Variants in PTPRH observed in about 807,000 individuals in gnomAD.
The protein encoded by PTPRH is protein tyrosine phosphatase receptor type H.
Under a neutral mutation model 130.2 loss-of-function variants are expected in PTPRH, and 113 were observed. The ratio of observed to expected loss-of-function variants is 0.87; its 90% CI spans 0.75 to 1.01. The LOEUF (loss-of-function observed/expected upper bound fraction) is 1.01, where lower values mean the gene tolerates loss of function less well. Among genes scored for constraint, PTPRH ranks in the 50% least tolerant of loss-of-function variants. The probability of loss-of-function intolerance (pLI) is 0.00; values close to 1 mark genes in which losing one functional copy is unlikely to be tolerated. For missense variants in PTPRH, 1,430 were observed against 1,425.0 expected (o/e 1.00, Z -0.06); for synonymous variants, 556 against 577.9 (o/e 0.96, Z 0.54).
Position 55,191,698 on chromosome 19 carries a change from G to A in PTPRH, c.2301C>T (p.Ile767=). ...GAFVGILLFL[I]LVGLLIFFLK... The stretch of plus-strand genomic sequence containing the variant: ...GGAAGAAAATCAGCAGGCCCACGAG[G>A]ATGAGAAACAGGAGGATGCCCACAA... Residue 767 remains isoleucine (I), a synonymous_variant, in exon 11 of 20, where the codon ATC becomes ATT. Transcript: ENST00000376350. 1 of 1,614,144 alleles carries A rather than the reference G, an allele frequency of 6.2e-7. No individual in the cohort carries two copies. Among genetic ancestry groups the A allele is most frequent in the South Asian group, 1.1e-5 (1 of 91,076 alleles).
intron 5 of PTPRH, among the ~76,000 whole-genome samples, chr19:55,202,856 T>C (rs911533580): frequency 2.0e-5 from 3 of 150,972 alleles, no homozygotes; most frequent in African/African-American, 7.3e-5. Flanking sequence ...CTGGCCAACA[T>C]GGCGAAACCC....
chr19:55,187,498 G>C lies in PTPRH; in HGVS notation c.2566+15C>G, dbSNP rs758299501. 6.2e-7 allele frequency: 1 copy of C among 1,603,364 alleles called. No individual in the cohort carries two copies. On this transcript the variant is annotated intron_variant, in intron 14 of 19. Transcript: ENST00000376350. ...ATCAGGGCTGGGACAAAAGCAGCAG[G>C]AACCCGAGACTCACAGGGCAGCACA...
At chr19:55,181,934 C>A (rs375899747) in intron 19 of PTPRH, 31 bp from the exon 20 acceptor site, 61 of 1,613,850 alleles carry the variant, frequency 3.8e-5, no homozygotes, top group Non-Finnish European at 5.1e-5. Flanking sequence ...TGAGAGGCGT[C>A]CCCCCAGGTC....
chr19:55,194,173 T>C, intron 10 of PTPRH: 1 of 1,289,046 alleles, frequency 7.8e-7, no homozygotes, highest in Non-Finnish European at 1.0e-6. Flanking sequence ...CTATGGGTGC[T>C]CTCAGGCTCT....
In PTPRH at chr19:55,186,118, G is replaced by A. The variant is rs1431603419; in HGVS notation, c.2778+107C>T. ...AACAGGTCTACACTGAAGACGCCTG[G>A]GGTTACCCTGGAGGAATCCGTAAGG... On this transcript the variant is annotated intron_variant, in intron 16 of 19. Transcript: ENST00000376350. 1.9e-6 allele frequency: 3 copies of A among 1,571,924 alleles called. No homozygotes were observed. The East Asian group carries it at 6.7e-5, about 35-fold the overall frequency.
Position 55,190,834 on chromosome 19 carries a change from T to A in PTPRH, c.2384+667A>T, listed in dbSNP as rs142352535. ...ATATCATATTTTTTATGATCTTTTTTAATTTTTTATTACTATTATTTTTTT... is the reference window on the plus strand; with the variant it reads ...ATATCATATTTTTTATGATCTTTTTAAATTTTTTATTACTATTATTTTTTT... On this transcript the variant is annotated intron_variant, in intron 12 of 19. Coordinates refer to ENST00000376350, the MANE Select transcript of PTPRH (RefSeq NM_002842.5). Among the ~76,000 whole-genome samples the A allele has an allele frequency of 1.1e-3, 167 of 151,454 alleles. 1 individual carries two copies. Among genetic ancestry groups the A allele is most frequent in the South Asian group, 6.0e-3 (29 of 4,812 alleles).
At position 55,182,060 on chromosome 19, in the gene PTPRH, C is replaced by T. The variant is rs766621439; in HGVS notation, c.3154G>A (p.Val1052Ile). Residue 1052 changes from valine (V) to isoleucine (I), a missense_variant, in exon 19 of 20, where the codon GTA (valine) becomes ATA (isoleucine). By Grantham distance (29) the Val-to-Ile change is conservative. Coordinates refer to ENST00000376350, the MANE Select transcript of PTPRH (RefSeq NM_002842.5). Reference protein sequence around the residue: ...SEGLLGPFSFVRKMRESRPLM... With the variant: ...SEGLLGPFSFIRKMRESRPLM... Reference sequence around the variant, plus strand: ...GGCCGACTCTCTCTCATCTTCCTTACAAAGCTGAAGGGCCCAAGGAGACCC... The same window carrying T: ...GGCCGACTCTCTCTCATCTTCCTTATAAAGCTGAAGGGCCCAAGGAGACCC... The T allele has an allele frequency of 6.2e-7, 1 of 1,614,140 alleles. No individual in the cohort carries two copies. The highest frequency in any genetic ancestry group is 1.1e-5 in the South Asian group (1 of 91,084).
intron 18 of PTPRH, among the ~76,000 whole-genome samples, chr19:55,183,873 C>T (rs1354614997): frequency 6.6e-6 from 1 of 152,202 alleles, no homozygotes; most frequent in Admixed American, 6.5e-5. Context: ...GCCTGTCACC[C>T]TCCAGGGCCT....
At position 55,191,708 on chromosome 19, in the gene PTPRH, A is replaced by T. The variant is rs1281030660; in HGVS notation, c.2291T>A (p.Leu764Gln). Residue 764 changes from leucine (L) to glutamine (Q), a missense_variant, in exon 11 of 20, where the codon CTG becomes CAG. Coordinates refer to ENST00000376350, the MANE Select transcript of PTPRH (RefSeq NM_002842.5). Reference protein sequence around the residue: ...VIAGAFVGILLFLILVGLLIF... With the variant: ...VIAGAFVGILQFLILVGLLIF... The stretch of plus-strand genomic sequence containing the variant: ...CAGCAGGCCCACGAGGATGAGAAAC[A>T]GGAGGATGCCCACAAAGGCTCCGGC... 6.2e-7 allele frequency: 1 copy of T among 1,614,156 alleles called. No individual in the cohort carries two copies. Among genetic ancestry groups the T allele is most frequent in the East Asian group, 2.2e-5 (1 of 44,888 alleles).
chr19:55,189,808 AC>A (rs11312786), intron 12 of PTPRH: 37,651 of 442,928 alleles, frequency 0.085, 4,087 homozygotes, highest in Admixed American at 0.33. Flanking sequence ...TGGTAAGACC[AC>A]CCCCCCGACC....
chr19:55,204,173 G>A, intron 4 of PTPRH, 125 bp from the exon 5 acceptor site: 1 of 1,087,628 alleles, frequency 9.2e-7, no homozygotes, highest in East Asian at 2.6e-5. Flanking sequence ...AGGCTGGAGT[G>A]CAGTGGCACG....
intron 18 of PTPRH, among the ~76,000 whole-genome samples, chr19:55,185,006 T>C (rs2147373031): frequency 6.6e-6 from 1 of 151,374 alleles, no homozygotes; most frequent in Admixed American, 6.6e-5. Flanking sequence ...TTTCTTTTTT[T>C]CCTTTTTTTT....
In PTPRH at chr19:55,198,632, C is replaced by T; in HGVS notation, c.1690+11G>A. 1.9e-6 allele frequency: 3 copies of T among 1,589,816 alleles called. No individual in the cohort carries two copies. The highest frequency in any genetic ancestry group is 2.6e-6 in the Non-Finnish European group (3 of 1,165,822). On this transcript the variant is annotated intron_variant, in intron 8 of 19. Transcript: ENST00000376350. ...CTAATAGGGCTGGGTTCAGAACCGA[C>T]TGTGTCTCACCAGTGGCTGCAGTGA...
chr19:55,185,486 C>G lies in PTPRH; in HGVS notation c.3062+16G>C. On this transcript the variant is annotated intron_variant, in intron 18 of 19. Coordinates refer to ENST00000376350, the MANE Select transcript of PTPRH (RefSeq NM_002842.5). ...AGCGGTTCTCTCAAGGGAGAGGGTC[C>G]TGGGCTGGTCCCCACCTGCAGTGCA... is the stretch of plus-strand genomic sequence containing the variant. The G allele has an allele frequency of 6.2e-7, 1 of 1,613,572 alleles. No homozygotes were observed. The highest frequency in any genetic ancestry group is 8.5e-7 in the Non-Finnish European group (1 of 1,179,810).
chr19:55,202,136 G>T lies in PTPRH; in HGVS notation c.1073C>A (p.Pro358His), dbSNP rs774275050. ...CACGGAAAACACATACAAACACCCG[G>T]GTTCAAGTCTATCCACGGTGATGTT... ...HTNITVDRLE[P>H]GCLYVFSVWV... Residue 358 changes from proline to histidine, a missense_variant, in exon 6 of 20, where the codon CCC (proline) becomes CAC (histidine). Transcript: ENST00000376350. The T allele has an allele frequency of 3.1e-6, 5 of 1,614,176 alleles. No homozygotes were observed. The highest frequency in any genetic ancestry group is 1.1e-5 in the South Asian group (1 of 91,084).
rs1568925351 is a variant in PTPRH, at chr19:55,204,024, C to G, written c.644G>C (p.Arg215Thr). The change falls in exon 5 of 20, where the codon AGA becomes ACA. Residue 215 changes from arginine (R) to threonine (T), a missense_variant. Arg to Thr is a moderately conservative substitution (Grantham distance 71). Transcript: ENST00000376350. ...GGAGCTGGTGGTCTGAGCCTCCACT[C>G]TCAGGTTCCTCACTGGGTTGTGAGC... ...TTAHNPVRNLRVEAQTTSSIS... is the reference protein window; with the variant it reads ...TTAHNPVRNLTVEAQTTSSIS... The G allele has an allele frequency of 6.2e-7, 1 of 1,613,886 alleles. No homozygotes were observed. The highest frequency in any genetic ancestry group is 8.5e-7 in the Non-Finnish European group (1 of 1,179,814).
chr19:55,192,788 T>C (rs2086580435), intron 10 of PTPRH, among the ~76,000 whole-genome samples: 1 of 151,768 alleles, frequency 6.6e-6, no homozygotes, highest in Admixed American at 6.6e-5. Flanking sequence ...CCTGACCTCG[T>C]GATCCACCTG....
rs1483081259 is a variant in PTPRH at position 55,209,003 on chromosome 19, T to TG, written c.51+379dup. Among the ~76,000 whole-genome samples, 72 of 122,180 alleles carry TG rather than the reference T, an allele frequency of 5.9e-4. No individual in the cohort carries two copies. Among genetic ancestry groups the TG allele is most frequent in the Non-Finnish European group, 1.1e-3 (61 of 57,374 alleles). The allele number at this position is 122,180 out of a possible 152,430, so 80.2% of individuals were successfully genotyped here. ...CTCCTGGGTCTGAGGGAGGAGGGGC[T>TG]GGGGTCTGGACTCTTGGTTTGAGGG... is the stretch of plus-strand genomic sequence containing the variant. On this transcript the variant is annotated intron_variant, in intron 1 of 19. Coordinates refer to ENST00000376350, the MANE Select transcript of PTPRH (RefSeq NM_002842.5). The surrounding 1 kb of genome is among the most constrained non-coding windows in gnomAD (Gnocchi z 4.1).
At position 55,203,967 on chromosome 19, in the gene PTPRH, G is replaced by A. The variant is rs758604208; in HGVS notation, c.701C>T (p.Thr234Ile). 1.7e-5 allele frequency: 28 copies of A among 1,614,104 alleles called. No homozygotes were observed. The highest frequency in any genetic ancestry group is 8.3e-5 in the Admixed American group (5 of 60,002). Residue 234 changes from threonine (T) to isoleucine (I), a missense_variant, in exon 5 of 20, where the codon ACA becomes ATA. Coordinates refer to ENST00000376350, the MANE Select transcript of PTPRH (RefSeq NM_002842.5). ...GCAGTAGGTCGAGTTCTGTGGGTCT[G>A]TGCCATCGGGGACCTCCCAGCTCAG... ...ISLSWEVPDG[T>I]DPQNSTYCVQ...
Sources: allele counts gnomAD v4.1 joint callset (sites outside exome capture counted in the v4.1 genomes callset), GRCh38; gene constraint gnomAD v4.1.1; non-coding constraint Gnocchi (gnomAD v3.1); transcripts MANE v1.5; gene names NCBI Gene and HGNC (gene_info 2026-07-23, HGNC 2026-07-21).